TRIM63: variants seen among roughly 807,000 people sequenced by gnomAD.
TRIM63 encodes the protein E3 ubiquitin-protein ligase TRIM63.
TRIM63 carries 48 observed loss-of-function variants against 46.0 expected under a neutral mutation model. The observed-to-expected ratio is 1.04, with a 90% CI of 0.83 to 1.33. The LOEUF (loss-of-function observed/expected upper bound fraction) is 1.33. Ranked by LOEUF, TRIM63 falls within the 40% of genes most tolerant of loss-of-function variation. The pLI, the probability that TRIM63 is intolerant of heterozygous loss-of-function variation, is 0.00. For missense variants in TRIM63, 455 were observed against 441.2 expected, an observed-to-expected ratio of 1.03 and a Z score of -0.28; for synonymous variants, 175 against 162.8, an observed-to-expected ratio of 1.08 and a Z score of -0.57.
chr1:26,065,664 T>C (rs1230052908), intron 2 of TRIM63, among the ~76,000 whole-genome samples: 1 of 152,214 alleles, frequency 6.6e-6, no homozygotes, highest in African/African-American at 2.4e-5. Context: ...ACATTCTGCC[T>C]ATGAATGAGC....
At chr1:26,061,366 G>A (rs751557632) in intron 2 of TRIM63, 32 bp from the exon 3 acceptor site, 1 of 1,605,376 alleles carries the variant, frequency 6.2e-7, no homozygotes, top group Non-Finnish European at 8.5e-7. Context: ...AGTCATGGGG[G>A]TCCTGTGTCC....
chr1:26,057,078 G>A (rs2050578927), intron 7 of TRIM63, 125 bp downstream of exon 7: 1 of 1,280,052 alleles, frequency 7.8e-7, no homozygotes, highest in Non-Finnish European at 1.1e-6. Flanking sequence ...TTGGCTATAT[G>A]AGTTTGATTG....
chr1:26,056,836 C>T (rs1033274941), intron 7 of TRIM63, among the ~76,000 whole-genome samples: 10 of 151,048 alleles, frequency 6.6e-5, no homozygotes, highest in Admixed American at 2.6e-4. Context: ...AATCTCGGCT[C>T]ACTGCAACCT....
Position 26,057,415 on chromosome 1 carries a change from C to T in TRIM63, c.855-88G>A, listed in dbSNP as rs545066826. 11 of 1,541,568 alleles carry T rather than the reference C, an allele frequency of 7.1e-6. 1 individual carries two copies. The highest frequency in any genetic ancestry group is 2.3e-4 in the Middle Eastern group (1 of 4,282). On this transcript the variant is annotated intron_variant, in intron 6 of 8. Coordinates refer to ENST00000374272, the MANE Select transcript of TRIM63 (RefSeq NM_032588.4). ...GGCACATGCTTTGCCACGCCCAGGC[C>T]TTCTACCCAGAGGCTCCCCTGGAGG...
chr1:26,059,278 T>A (rs192480847), intron 4 of TRIM63, among the ~76,000 whole-genome samples: 5 of 152,142 alleles, frequency 3.3e-5, no homozygotes, highest in African/African-American at 1.2e-4. Context: ...CAGCTTGACC[T>A]CCCAAAGTGC....
rs1258122655 is a variant in TRIM63 at position 26,051,786 on chromosome 1, A to G, written c.*87T>C. 2.7e-5 allele frequency: 6 copies of G among 226,154 alleles called. No homozygotes were observed. The highest frequency in any genetic ancestry group is 9.5e-6 in the Non-Finnish European group (1 of 104,958). 14.0% of individuals were successfully genotyped at this position (226,154 alleles called of 1,614,324 possible). On this transcript the variant is annotated 3_prime_UTR_variant, in exon 9 of 9. Transcript: ENST00000374272. ...CCCTCCAGGGGCCCCGACCCCTCCC[A>G]CCCTGGGCCTGTCACCAAGGCCGCT... is the stretch of plus-strand genomic sequence containing the variant.
intron 1 of TRIM63, 72 bp downstream of exon 1, chr1:26,067,264 G>C: frequency 6.4e-7 from 1 of 1,565,708 alleles, no homozygotes; most frequent in Non-Finnish European, 8.6e-7. Flanking sequence ...AAGTCTAAGG[G>C]AGAAGGGTTT....
At chr1:26,060,521 G>T (rs1017811213) in intron 3 of TRIM63, among the ~76,000 whole-genome samples, 160 bp from the exon 4 acceptor site, 3 of 152,178 alleles carry the variant, frequency 2.0e-5, no homozygotes, top group Non-Finnish European at 4.4e-5. Flanking sequence ...CAGCTCCAGA[G>T]TAGAGGATAT....
chr1:26,051,811 T>C lies in TRIM63; in HGVS notation c.*62A>G. The C allele has an allele frequency of 3.6e-6, 2 of 549,876 alleles. No homozygotes were observed. The highest frequency in any genetic ancestry group is 8.6e-5 in the South Asian group (2 of 23,356). 34.1% of individuals were successfully genotyped at this position (549,876 alleles called of 1,614,324 possible). The stretch of plus-strand genomic sequence containing the variant: ...ACCCTGGGCCTGTCACCAAGGCCGC[T>C]GGGCCCCTCCCCACCCTCTCCAGTC... On this transcript the variant is annotated 3_prime_UTR_variant, in exon 9 of 9. Transcript: ENST00000374272.
At chr1:26,060,081 T>G (rs1206194592) in intron 4 of TRIM63, among the ~76,000 whole-genome samples, 185 bp downstream of exon 4, 1 of 152,126 alleles carries the variant, frequency 6.6e-6, no homozygotes, top group Non-Finnish European at 1.5e-5. Flanking sequence ...GACACACAGC[T>G]GTGCTTAAGA....
chr1:26,066,894 A>G (rs2050683504), intron 1 of TRIM63, among the ~76,000 whole-genome samples: 1 of 151,394 alleles, frequency 6.6e-6, no homozygotes, highest in Admixed American at 6.6e-5. Context: ...TTCTGCCCCC[A>G]TATCATAGGG....
At chr1:26,064,129 C>G (rs962107251) in intron 2 of TRIM63, among the ~76,000 whole-genome samples, 1 of 152,056 alleles carries the variant, frequency 6.6e-6, no homozygotes, top group Non-Finnish European at 1.5e-5. Context: ...AACCCTGTCT[C>G]TACAAAAAAT....
intron 2 of TRIM63, among the ~76,000 whole-genome samples, chr1:26,065,017 T>TTGTG (rs147938449): frequency 3.5e-4 from 52 of 149,680 alleles, no homozygotes; most frequent in Admixed American, 8.6e-4. Context: ...TTGTGTTGTG[T>TTGTG]TGTGTGTGTG....
intron 2 of TRIM63, among the ~76,000 whole-genome samples, chr1:26,064,977 C>T (rs2050663443): frequency 6.6e-6 from 1 of 152,078 alleles, no homozygotes; most frequent in African/African-American, 2.4e-5. Flanking sequence ...AAGATCTTTC[C>T]TGGAGCTGTG....
At chr1:26,056,634 G>A (rs11247852) in intron 7 of TRIM63, among the ~76,000 whole-genome samples, 7 of 151,996 alleles carry the variant, frequency 4.6e-5, no homozygotes, top group Admixed American at 1.3e-4. Flanking sequence ...ATTCCAGAGG[G>A]CATATTATTT....
chr1:26,059,128 G>A (rs1295504237), intron 4 of TRIM63, among the ~76,000 whole-genome samples: 3 of 149,332 alleles, frequency 2.0e-5, no homozygotes, highest in Non-Finnish European at 3.0e-5. Flanking sequence ...AGGTTCAAGC[G>A]ATTCTCCTGC....
intron 2 of TRIM63, among the ~76,000 whole-genome samples, chr1:26,064,056 G>A (rs2050651388): frequency 6.6e-6 from 1 of 152,230 alleles, no homozygotes; most frequent in South Asian, 2.1e-4. Context: ...AGAACTTTGG[G>A]AGGCCAAGGC....
intron 2 of TRIM63, among the ~76,000 whole-genome samples, chr1:26,062,270 CAAA>C (rs61219158): frequency 6.4e-5 from 6 of 94,384 alleles, no homozygotes; most frequent in Admixed American, 2.4e-4. Context: ...AACTCCGTCT[CAAA>C]AAAAAAAAAA....
Position 26,058,554 on chromosome 1 carries a change from T to C in TRIM63, c.667A>G (p.Lys223Glu). 6.2e-7 allele frequency: 1 copy of C among 1,614,232 alleles called. No homozygotes were observed. Among genetic ancestry groups the C allele is most frequent in the Non-Finnish European group, 8.5e-7 (1 of 1,180,036 alleles). ...ATCCGCTGCAGCAACTCACTTTTCT[T>C]CTCATCCAGGATGGCATACAACGTG... ...FDTLYAILDE[K>E]KSELLQRITQ... is the part of the protein sequence containing the mutation. Residue 223 changes from lysine to glutamate, a missense_variant, in exon 5 of 9, where the codon AAG (lysine) becomes GAG (glutamate). Lys to Glu is a moderately conservative substitution (Grantham distance 56). Coordinates refer to ENST00000374272, the MANE Select transcript of TRIM63 (RefSeq NM_032588.4).
Sources: gnomAD v4.1 joint callset for allele counts (sites outside exome capture counted in the v4.1 genomes callset) on GRCh38, gnomAD v4.1.1 for gene constraint, MANE v1.5 for transcripts, NCBI Gene and HGNC (gene_info 2026-07-23, HGNC 2026-07-21) for gene names.